Variants in SRFBP1 observed in about 807,000 individuals in gnomAD.
The protein encoded by SRFBP1 is serum response factor-binding protein 1.
SRFBP1 carries 47 observed loss-of-function variants against 45.5 expected under a neutral mutation model. That is an observed-to-expected ratio of 1.03 (90% CI 0.82 to 1.32). SRFBP1 has a LOEUF of 1.32. SRFBP1 is among the 40% of genes most tolerant of loss of function. The pLI is 0.00. For missense variants in SRFBP1, 621 were observed against 484.6 expected, an observed-to-expected ratio of 1.28 and a Z score of -2.64; for synonymous variants, 203 against 166.3, an observed-to-expected ratio of 1.22 and a Z score of -1.70.
intron 4 of SRFBP1, among the ~76,000 whole-genome samples, chr5:122,013,833 C>G (rs1753142247): frequency 6.6e-6 from 1 of 152,064 alleles, no homozygotes; most frequent in Non-Finnish European, 1.5e-5. Flanking sequence ...TATGTGGAAT[C>G]TAAAAATGTC....
chr5:122,038,258 G>A (rs1309614001), intron 2 of SRFBP1, among the ~76,000 whole-genome samples: 1 of 152,180 alleles, frequency 6.6e-6, no homozygotes, highest in Non-Finnish European at 1.5e-5. Context: ...TCCTATAGGG[G>A]TGGGGGACGG....
Position 122,026,796 on chromosome 5 carries a change from G to A in SRFBP1, c.1106-146G>A, listed in dbSNP as rs146787987. ...AATTTTCAACTTCAAACTATTCCCT[G>A]TTAGACTTCAGTTTTAAATTGTGAA... On this transcript the variant is annotated intron_variant, in intron 7 of 7. Coordinates refer to ENST00000339397, the MANE Select transcript of SRFBP1 (RefSeq NM_152546.3). The A allele has an allele frequency of 2.0e-4, 112 of 554,588 alleles. No homozygotes were observed. In the East Asian group the frequency reaches 3.3e-3, roughly 16 times the overall value. The allele number at this position is 554,588 out of a possible 1,614,324, so 34.4% of individuals were successfully genotyped here.
At chr5:122,047,622 A>C (rs1241705175) in intron 2 of SRFBP1, among the ~76,000 whole-genome samples, 5 of 152,232 alleles carry the variant, frequency 3.3e-5, no homozygotes, top group African/African-American at 1.2e-4. Context: ...CATTGAATCT[A>C]TAAATTACCT....
chr5:122,068,106 G>T (rs1231120821), intron 2 of SRFBP1, among the ~76,000 whole-genome samples: 1 of 141,742 alleles, frequency 7.1e-6, no homozygotes, highest in Non-Finnish European at 1.5e-5. Flanking sequence ...TTTTCATCTG[G>T]TTTATATTAG....
At chr5:121,999,466 A>G (rs912439051) in intron 4 of SRFBP1, among the ~76,000 whole-genome samples, 1 of 152,100 alleles carries the variant, frequency 6.6e-6, no homozygotes, top group Non-Finnish European at 1.5e-5. Context: ...TGTTAAGTCA[A>G]ATTGGTTGAT....
intron 1 of SRFBP1, among the ~76,000 whole-genome samples, chr5:121,963,897 A>C (rs1642094887): frequency 6.6e-6 from 1 of 152,200 alleles, no homozygotes; most frequent in Admixed American, 6.5e-5. Flanking sequence ...ATTTATCTAC[A>C]TAAAAATTGA....
chr5:122,049,798 G>C (rs1753936375), intron 2 of SRFBP1, among the ~76,000 whole-genome samples: 1 of 152,142 alleles, frequency 6.6e-6, no homozygotes, highest in African/African-American at 2.4e-5. Flanking sequence ...CGAAATGAAG[G>C]CAGAAATAAA....
Position 122,069,519 on chromosome 5 carries a change from G to C in SRFBP1, n.312-5796G>C, listed in dbSNP as rs915944870. ...GTCTCAGGAGTAGGAATATTATGAA[G>C]AAACCTCCACACACCTCAATCTTTT... On this transcript the variant is annotated intron_variant and non_coding_transcript_variant, in intron 2 of 2. Coordinates refer to the SRFBP1 transcript ENST00000504881. Among the ~76,000 whole-genome samples the C allele has an allele frequency of 2.2e-4, 33 of 152,070 alleles. 1 individual carries two copies. The highest frequency in any genetic ancestry group is 2.2e-3 in the Admixed American group (33 of 15,268).
At chr5:121,967,224 A>G (rs567314823) in intron 1 of SRFBP1, among the ~76,000 whole-genome samples, 33 of 152,368 alleles carry the variant, frequency 2.2e-4, no homozygotes, top group Non-Finnish European at 4.4e-5. Context: ...TGTAAAACAT[A>G]AGAATGTCAA....
chr5:121,967,869 T>A (rs1241895717), intron 1 of SRFBP1, among the ~76,000 whole-genome samples: 1 of 152,196 alleles, frequency 6.6e-6, no homozygotes, highest in Non-Finnish European at 1.5e-5. Context: ...ATAATTTTGT[T>A]AACTATGAAT....
chr5:122,074,284 C>A (rs1754549792), intron 2 of SRFBP1: 3 of 786,846 alleles, frequency 3.8e-6, no homozygotes, highest in South Asian at 4.1e-5. Context: ...AAAATTGAGA[C>A]CAAATTTATC....
intron 3 of SRFBP1, among the ~76,000 whole-genome samples, chr5:121,985,455 C>A (rs1752491460): frequency 6.6e-6 from 1 of 151,222 alleles, no homozygotes; most frequent in African/African-American, 2.4e-5. Context: ...GTGATTTAAA[C>A]TCAGATATCA....
intron 2 of SRFBP1, among the ~76,000 whole-genome samples, chr5:122,057,840 G>A (rs1183367842): frequency 1.3e-5 from 2 of 151,684 alleles, no homozygotes; most frequent in South Asian, 2.1e-4. Flanking sequence ...CACTACTCCT[G>A]ACTAATTTTT....
At position 122,020,544 on chromosome 5, in the gene SRFBP1, AC is replaced by A; in HGVS notation, c.810del (p.Tyr270Ter). Reference sequence around the variant, plus strand: ...GATGATAGCACAGAAGAAAGGTTTTACAAGCAGTCTTCCATGTCTGAAGATA... The same window carrying A: ...GATGATAGCACAGAAGAAAGGTTTTAAAGCAGTCTTCCATGTCTGAAGATA... ...YFDDSTEERF[Y>X]KQSSMSEDSD... On this transcript the variant is annotated frameshift_variant, in exon 6 of 8. Coordinates refer to ENST00000339397, the MANE Select transcript of SRFBP1 (RefSeq NM_152546.3). LOFTEE classifies it high-confidence loss of function. 1 of 1,614,200 alleles carries A rather than the reference AC, an allele frequency of 6.2e-7. No individual in the cohort carries two copies.
intron 3 of SRFBP1, among the ~76,000 whole-genome samples, chr5:121,990,209 G>T (rs1418318303): frequency 6.6e-6 from 1 of 152,036 alleles, no homozygotes; most frequent in Non-Finnish European, 1.5e-5. Context: ...AGAAAATGTG[G>T]TCCATATATA....
chr5:122,054,677 A>C (rs1401837015), intron 2 of SRFBP1, among the ~76,000 whole-genome samples: 1 of 152,182 alleles, frequency 6.6e-6, no homozygotes, highest in African/African-American at 2.4e-5. Flanking sequence ...GATTAAATTA[A>C]TATATTTATC....
intron 3 of SRFBP1, among the ~76,000 whole-genome samples, chr5:121,991,518 G>T (rs76379351): frequency 0.038 from 5,821 of 152,136 alleles, 320 homozygotes; most frequent in African/African-American, 0.12. Flanking sequence ...TGTAATCTTT[G>T]AATAGGAACA....
intron 2 of SRFBP1, among the ~76,000 whole-genome samples, chr5:122,061,997 T>C (rs1754178919): frequency 6.6e-6 from 1 of 151,980 alleles, no homozygotes. Context: ...GCAAAAATTG[T>C]ATACTAGGAT....
At chr5:122,057,586 C>A (rs1264104751) in intron 2 of SRFBP1, among the ~76,000 whole-genome samples, 1 of 151,348 alleles carries the variant, frequency 6.6e-6, no homozygotes, top group Non-Finnish European at 1.5e-5. Context: ...CTCAGTCTCC[C>A]AAAGTGTTGA....
Sources: allele counts gnomAD v4.1 joint callset (sites outside exome capture counted in the v4.1 genomes callset), GRCh38; gene constraint gnomAD v4.1.1; transcripts MANE v1.5; gene names NCBI Gene and HGNC (gene_info 2026-07-23, HGNC 2026-07-21).